Variants in ATRX observed in about 807,000 individuals in gnomAD.
The protein encoded by ATRX is chromatin remodeler ATRX.
In ATRX, 12 loss-of-function variants were observed where a neutral mutation model predicts 172.6. The ratio of observed to expected loss-of-function variants is 0.07; its 90% CI spans 0.04 to 0.11. ATRX has a LOEUF of 0.11. Ranked by LOEUF, ATRX falls within the 10% of genes least tolerant of loss-of-function variation. The pLI is 1.00. For missense variants in ATRX, 1,368 were observed against 1,767.4 expected, an observed-to-expected ratio of 0.77 and a Z score of 4.05; for synonymous variants, 674 against 594.7, an observed-to-expected ratio of 1.13 and a Z score of -1.94.
intron 30 of ATRX, among the ~76,000 whole-genome samples, chrX:77,540,507 C>A (rs2063934063): frequency 8.9e-6 from 1 of 111,865 alleles, no homozygotes; most frequent in South Asian, 3.7e-4. Flanking sequence ...ATCAACAGAA[C>A]AATGCATTCT....
intron 34 of ATRX, among the ~76,000 whole-genome samples, chrX:77,509,671 G>A (rs1202467533): frequency 7.2e-5 from 8 of 110,973 alleles, no homozygotes; most frequent in Admixed American, 5.7e-4. Context: ...ACTCAGGGCT[G>A]CCCTGTCACA....
chrX:77,630,887 T>C (rs2068075823), intron 19 of ATRX, among the ~76,000 whole-genome samples: 1 of 111,757 alleles, frequency 8.9e-6, no homozygotes, highest in South Asian at 3.7e-4. Flanking sequence ...AAATTAAATG[T>C]AATCAAAATT....
chrX:77,770,039 G>C (rs1034190124), intron 1 of ATRX, among the ~76,000 whole-genome samples: 11 of 110,908 alleles, frequency 9.9e-5, no homozygotes, highest in African/African-American at 2.9e-4. Context: ...AGCTGAGATT[G>C]TGCCAATGCA....
At chrX:77,578,080 A>G (rs782348734) in intron 27 of ATRX, among the ~76,000 whole-genome samples, 1 of 111,713 alleles carries the variant, frequency 9.0e-6, no homozygotes, top group Admixed American at 9.5e-5. Context: ...ATTGGAACTC[A>G]GCCTACACAC....
chrX:77,640,817 C>T (rs1215488235), intron 15 of ATRX, among the ~76,000 whole-genome samples: 1 of 111,434 alleles, frequency 9.0e-6, no homozygotes, highest in African/African-American at 3.3e-5. Flanking sequence ...AAGAGCTACA[C>T]AAAAAGAACT....
At position 77,599,553 on chromosome X, in the gene ATRX, T is replaced by C. The variant is rs2148144893; in HGVS notation, c.5814A>G (p.Lys1938=). ...CACTTCCACTTGAGCTACTATCTTT[T>C]TTCCCCTTTTTCCCTTTTTTCTTCT... ...TKKKKKGKKG[K]KDSSSSGSGS... is the part of the protein sequence containing the mutation. The change falls in exon 25 of 35, where the codon AAA becomes AAG. Residue 1938 remains lysine, a synonymous_variant. Transcript: ENST00000373344. The C allele has an allele frequency of 8.3e-7, 1 of 1,209,954 alleles. No homozygotes were observed. The highest frequency in any genetic ancestry group is 2.3e-4 in the Middle Eastern group (1 of 4,349).
chrX:77,736,425 C>G (rs2074570898), intron 1 of ATRX, among the ~76,000 whole-genome samples: 1 of 112,180 alleles, frequency 8.9e-6, no homozygotes, highest in Non-Finnish European at 1.9e-5. Flanking sequence ...ACACATTTCT[C>G]AAAAGAAGAC....
rs1416412214 is a variant in ATRX at position 77,731,816 on chromosome X, C to T, written c.21-14573G>A. Among the ~76,000 whole-genome samples, 3 of 110,820 alleles carry T rather than the reference C, an allele frequency of 2.7e-5. No homozygotes were observed. The Admixed American group carries it at 2.9e-4, about 11-fold the overall frequency. ...GCCCTTCCCATCCCCTCTCCAGCTC[C>T]CCTCTCCACTGAGCCATTCCCACTG... On this transcript the variant is annotated intron_variant, in intron 1 of 34. Transcript: ENST00000373344.
chrX:77,638,310 T>C (rs781830599), intron 15 of ATRX, among the ~76,000 whole-genome samples: 42 of 111,255 alleles, frequency 3.8e-4, no homozygotes, highest in African/African-American at 1.3e-3. Context: ...AAAAATACAA[T>C]AACAACAACA....
intron 34 of ATRX, among the ~76,000 whole-genome samples, chrX:77,511,729 A>C (rs2147675453): frequency 8.9e-6 from 1 of 112,123 alleles, no homozygotes; most frequent in Non-Finnish European, 1.9e-5. Context: ...AGAAGAAAGA[A>C]TTAGTAAGCT....
At chrX:77,611,504 T>G (rs1267700321) in intron 22 of ATRX, among the ~76,000 whole-genome samples, 6 of 111,349 alleles carry the variant, frequency 5.4e-5, no homozygotes, top group Non-Finnish European at 1.1e-4. Flanking sequence ...ACTATTCCAA[T>G]GTTAGTCATA....
intron 22 of ATRX, among the ~76,000 whole-genome samples, chrX:77,607,447 C>T (rs2148195668): frequency 9.0e-6 from 1 of 111,655 alleles, no homozygotes; most frequent in African/African-American, 3.2e-5. Context: ...GGCACGGTGG[C>T]TCATGCCTGT....
In ATRX at chrX:77,682,817, C is replaced by G. The variant is rs2148597803; in HGVS notation, c.2439G>C (p.Glu813Asp). The stretch of plus-strand genomic sequence containing the variant: ...CTAATTCTGAGTCATAATTAGAAGA[C>G]TCAGACTGGGTTTGTCGTTTCTTTT... ...ISKKKRQTQS[E>D]SSNYDSELEK... is the part of the protein sequence containing the mutation. Residue 813 changes from glutamate (E) to aspartate (D), a missense_variant, in exon 9 of 35, where the codon GAG becomes GAC. Glu to Asp is a conservative substitution (Grantham distance 45). This residue lies in a region of ATRX where 843 missense variants were observed against 643.1 expected (regional missense o/e 1.31). Coordinates refer to ENST00000373344, the MANE Select transcript of ATRX (RefSeq NM_000489.6). 1 of 1,209,502 alleles carries G rather than the reference C, an allele frequency of 8.3e-7. No homozygotes were observed.
intron 2 of ATRX, among the ~76,000 whole-genome samples, chrX:77,715,759 T>C (rs2073344863): frequency 9.0e-6 from 1 of 111,714 alleles, no homozygotes; most frequent in South Asian, 3.7e-4. Context: ...ATGTTTTTCA[T>C]CACTTTTTAA....
In ATRX at chrX:77,682,899, G is replaced by C. The variant is rs2148599915; in HGVS notation, c.2357C>G (p.Ser786Cys). ...CTTTTTAGTATCAAAATCTGAGCCA[G>C]ATGTAGAACTTTTTCGTTTCCTTTT... Reference protein sequence around the residue: ...KGKRKRKSSTSGSDFDTKKGK... With the variant: ...KGKRKRKSSTCGSDFDTKKGK... Residue 786 changes from serine to cysteine, a missense_variant, in exon 9 of 35, where the codon TCT (serine) becomes TGT (cysteine). Transcript: ENST00000373344. The C allele has an allele frequency of 8.3e-7, 1 of 1,210,664 alleles. No individual in the cohort carries two copies.
intron 31 of ATRX, 53 bp downstream of exon 31, chrX:77,523,199 C>T (rs2147757827): frequency 1.7e-6 from 2 of 1,188,107 alleles, no homozygotes; most frequent in Non-Finnish European, 2.3e-6. Flanking sequence ...TTCTTCATTG[C>T]TCTTTCAAAT....
chrX:77,551,224 G>C (rs1437143595), intron 30 of ATRX, among the ~76,000 whole-genome samples: 3 of 111,723 alleles, frequency 2.7e-5, no homozygotes, highest in Non-Finnish European at 3.8e-5. Context: ...TATACTACAA[G>C]GCTATAGTAA....
intron 2 of ATRX, among the ~76,000 whole-genome samples, chrX:77,704,584 A>G (rs1469589275): frequency 4.5e-5 from 5 of 111,925 alleles, no homozygotes; most frequent in African/African-American, 1.6e-4. Flanking sequence ...CTGTAGATGC[A>G]AGGGGGCACC....
At chrX:77,701,219 C>G (rs1487373769) in intron 2 of ATRX, among the ~76,000 whole-genome samples, 1 of 111,361 alleles carries the variant, frequency 9.0e-6, no homozygotes, top group South Asian at 3.8e-4. Context: ...TTAAAAATAT[C>G]TTTTTTTTCT....
Sources: allele counts gnomAD v4.1 joint callset (sites outside exome capture counted in the v4.1 genomes callset), GRCh38; gene constraint gnomAD v4.1.1; regional missense constraint gnomAD v4.1.1; transcripts MANE v1.5; gene names NCBI Gene and HGNC (gene_info 2026-07-23, HGNC 2026-07-21).